The following PARG variants were observed in gnomAD, a reference collection of about 807,000 sequenced individuals.
The protein encoded by PARG is poly(ADP-ribose) glycohydrolase.
Under a neutral mutation model 113.0 loss-of-function variants are expected in PARG, and 35 were observed. The ratio of observed to expected loss-of-function variants is 0.31; its 90% CI spans 0.24 to 0.41. The LOEUF (loss-of-function observed/expected upper bound fraction) is 0.41, where lower values mean the gene tolerates loss of function less well. PARG is among the 10% of genes least tolerant of loss of function. PARG has a pLI of 1.00. For missense variants in PARG, 797 were observed against 1,169.4 expected (o/e 0.68, Z 4.64); for synonymous variants, 330 against 409.9 (o/e 0.81, Z 2.36).
At chr10:49,941,010 T>C (rs1164624936) in intron 1 of PARG, among the ~76,000 whole-genome samples, 1 of 152,228 alleles carries the variant, frequency 6.6e-6, no homozygotes, top group Non-Finnish European at 1.5e-5. Context: ...TAACTTTTGC[T>C]ATCGTCTATC....
At chr10:49,853,514 A>C (rs1202107620) in intron 13 of PARG, among the ~76,000 whole-genome samples, 3 of 152,152 alleles carry the variant, frequency 2.0e-5, no homozygotes, top group Non-Finnish European at 4.4e-5. Context: ...TATCTCCCCT[A>C]GTACCTTGCC....
intron 7 of PARG, chr10:49,908,352 A>G (rs559823509): frequency 6.6e-6 from 1 of 152,332 alleles, no homozygotes; most frequent in Non-Finnish European, 1.5e-5. Flanking sequence ...TACAAATATA[A>G]AAGTCACAAT....
chr10:49,841,854 C>T lies in PARG; in HGVS notation c.2541+96G>A, dbSNP rs1204401181. The T allele has an allele frequency of 2.7e-5, 21 of 774,472 alleles. No homozygotes were observed. The East Asian group carries it at 4.5e-4, about 17-fold the overall frequency. The allele number at this position is 774,472 out of a possible 1,614,324, so 48.0% of individuals were successfully genotyped here. ...AGAGCTGTGGGCAGACATACTGACA[C>T]TGCAATAATTACCAGAAAGCATTAA... On this transcript the variant is annotated intron_variant, in intron 15 of 17. Transcript: ENST00000616448.
intron 13 of PARG, among the ~76,000 whole-genome samples, chr10:49,853,209 T>G (rs1403838512): frequency 6.6e-6 from 1 of 151,824 alleles, no homozygotes; most frequent in Non-Finnish European, 1.5e-5. Context: ...AATTTTTTTT[T>G]GTATGTTTAG....
At chr10:49,835,784 A>G (rs1844888486) in intron 15 of PARG, among the ~76,000 whole-genome samples, 1 of 152,016 alleles carries the variant, frequency 6.6e-6, no homozygotes, top group Admixed American at 6.5e-5. Flanking sequence ...CTTCAATATC[A>G]ATTTTAGAAG....
intron 13 of PARG, among the ~76,000 whole-genome samples, chr10:49,845,180 G>A (rs565612379): frequency 6.6e-6 from 1 of 152,262 alleles, no homozygotes; most frequent in South Asian, 2.1e-4. Context: ...ACATAAATTG[G>A]TGTAATAATT....
chr10:49,821,839 T>A (rs1221761607), intron 16 of PARG, among the ~76,000 whole-genome samples: 2 of 151,792 alleles, frequency 1.3e-5, no homozygotes, highest in African/African-American at 4.8e-5. Flanking sequence ...ATAAATAACA[T>A]AACCACATTG....
chr10:49,922,114 C>A (rs1246366622), intron 6 of PARG, among the ~76,000 whole-genome samples: 1 of 152,146 alleles, frequency 6.6e-6, no homozygotes, highest in Non-Finnish European at 1.5e-5. Context: ...AGGTATTATT[C>A]CTGGTTCTCC....
At chr10:49,936,548 T>G (rs1194204770) in intron 1 of PARG, among the ~76,000 whole-genome samples, 2 of 152,328 alleles carry the variant, frequency 1.3e-5, no homozygotes, top group African/African-American at 4.8e-5. Flanking sequence ...CCACATTTTA[T>G]ATAATCATTA....
At position 49,869,456 on chromosome 10, in the gene PARG, T is replaced by A; in HGVS notation, c.2068+20A>T. ...TTCCCATCAGCAAGAAAAATTACAG[T>A]AAGAATGAAAGGAATTTACTTTTCT... On this transcript the variant is annotated intron_variant, in intron 10 of 17. Transcript: ENST00000616448. The A allele has an allele frequency of 1.4e-6, 1 of 727,434 alleles. No homozygotes were observed. Among genetic ancestry groups the A allele is most frequent in the Non-Finnish European group, 2.5e-6 (1 of 399,020 alleles). The allele number at this position is 727,434 out of a possible 1,614,324, so 45.1% of individuals were successfully genotyped here.
At chr10:49,858,321 A>C (rs1846088738) in intron 12 of PARG, among the ~76,000 whole-genome samples, 1 of 92,380 alleles carries the variant, frequency 1.1e-5, no homozygotes. Flanking sequence ...AGACTATCTG[A>C]GGAGTTAGAT....
rs187957586 is a variant in PARG at position 49,832,869 on chromosome 10, T to C, written c.2581A>G (p.Asn861Asp). ...GFLRPGVSSE[N>D]LSAVATGNWG... ...TTTCCTGTGGCCACTGCAGAAAGATTCTCTGAAGAAACTCCAGGACGGAGA... is the reference window on the plus strand; with the variant it reads ...TTTCCTGTGGCCACTGCAGAAAGATCCTCTGAAGAAACTCCAGGACGGAGA... Residue 861 changes from asparagine (N) to aspartate (D), a missense_variant, in exon 16 of 18, where the codon AAT becomes GAT. Physicochemically the swap from Asn to Asp is conservative, Grantham distance 23 (BLOSUM62 1). This residue lies in a region of PARG where 194 missense variants were observed against 247.1 expected (regional missense o/e 0.79). Transcript: ENST00000616448. The C allele has an allele frequency of 1.3e-6, 2 of 1,550,730 alleles. No homozygotes were observed. Among genetic ancestry groups the C allele is most frequent in the East Asian group, 4.9e-5 (2 of 40,882 alleles).
chr10:49,882,524 T>C (rs1231921854), intron 8 of PARG, among the ~76,000 whole-genome samples: 3 of 152,214 alleles, frequency 2.0e-5, no homozygotes, highest in African/African-American at 7.2e-5. Context: ...AGAAAGTCAC[T>C]GGGAGAAGCC....
At chr10:49,902,021 A>C (rs1340826490) in intron 7 of PARG, among the ~76,000 whole-genome samples, 1 of 152,208 alleles carries the variant, frequency 6.6e-6, no homozygotes, top group Non-Finnish European at 1.5e-5. Context: ...TTTAAATTTT[A>C]TTTCATTGTA....
At chr10:49,913,597 A>T (rs1447195111) in intron 7 of PARG, among the ~76,000 whole-genome samples, 54 of 151,328 alleles carry the variant, frequency 3.6e-4, no homozygotes, top group East Asian at 1.4e-3. Flanking sequence ...TATGTTTACA[A>T]AGTAAATACA....
chr10:49,876,935 A>G (rs1846968635), intron 9 of PARG, among the ~76,000 whole-genome samples: 1 of 150,282 alleles, frequency 6.7e-6, no homozygotes, highest in East Asian at 1.9e-4. Context: ...GGAGCATATT[A>G]TATATAAAAA....
chr10:49,921,828 T>C (rs536727687), intron 6 of PARG, among the ~76,000 whole-genome samples: 1 of 151,584 alleles, frequency 6.6e-6, no homozygotes, highest in East Asian at 1.9e-4. Flanking sequence ...CAGTCATAAA[T>C]GAAATATAAA....
At chr10:49,858,366 CA>C (rs1846094059) in intron 12 of PARG, among the ~76,000 whole-genome samples, 1 of 137,798 alleles carries the variant, frequency 7.3e-6, no homozygotes, top group South Asian at 2.3e-4. Flanking sequence ...CACACACACA[CA>C]CACAACTTGT....
At chr10:49,931,863 G>GA (rs1219156487) in intron 4 of PARG, among the ~76,000 whole-genome samples, 218 of 151,486 alleles carry the variant, frequency 1.4e-3, no homozygotes, top group East Asian at 5.7e-3. Flanking sequence ...AAAAATACTG[G>GA]AAAAAAAAAA....
Sources: allele counts gnomAD v4.1 joint callset (sites outside exome capture counted in the v4.1 genomes callset), GRCh38; gene constraint gnomAD v4.1.1; regional missense constraint gnomAD v4.1.1; transcripts MANE v1.5; gene names NCBI Gene and HGNC (gene_info 2026-07-23, HGNC 2026-07-21).